The following SPON1 variants were observed in gnomAD, a reference collection of about 807,000 sequenced individuals.
SPON1 encodes the protein spondin-1.
Under a neutral mutation model 111.7 loss-of-function variants are expected in SPON1, and 52 were observed. The ratio of observed to expected loss-of-function variants is 0.47; its 90% CI spans 0.37 to 0.59. The LOEUF (loss-of-function observed/expected upper bound fraction) is 0.59, where lower values mean the gene tolerates loss of function less well. Ranked by LOEUF, SPON1 falls within the 20% of genes least tolerant of loss-of-function variation. The probability of loss-of-function intolerance (pLI) is 0.00; values close to 1 mark genes in which losing one functional copy is unlikely to be tolerated. For missense variants in SPON1, 957 were observed against 1,068.5 expected, an observed-to-expected ratio of 0.90 and a Z score of 1.46; for synonymous variants, 410 against 395.8, an observed-to-expected ratio of 1.04 and a Z score of -0.43.
chr11:14,126,847 G>A (rs1554927047), intron 5 of SPON1, among the ~76,000 whole-genome samples: 1 of 152,112 alleles, frequency 6.6e-6, no homozygotes, highest in Admixed American at 6.5e-5. Context: ...ACTAGAGGAT[G>A]TGGGGCCCAG....
intron 6 of SPON1, among the ~76,000 whole-genome samples, chr11:14,149,683 G>A (rs1033045486): frequency 1.3e-5 from 2 of 152,236 alleles, no homozygotes; most frequent in South Asian, 2.1e-4. Context: ...ATGGTACCTT[G>A]ATATGTTTAA....
At chr11:14,101,187 G>A (rs1189170440) in intron 5 of SPON1, among the ~76,000 whole-genome samples, 1 of 152,040 alleles carries the variant, frequency 6.6e-6, no homozygotes, top group Non-Finnish European at 1.5e-5. Context: ...ATCACCCAAG[G>A]TCAGGAGTTT....
intron 6 of SPON1, among the ~76,000 whole-genome samples, chr11:14,206,966 T>C (rs1408138732): frequency 6.6e-6 from 1 of 152,118 alleles, no homozygotes; most frequent in African/African-American, 2.4e-5. Flanking sequence ...GGAGGCATCA[T>C]GCTACCTGAC....
At chr11:14,225,592 C>T (rs1554938063) in intron 6 of SPON1, among the ~76,000 whole-genome samples, 2 of 152,146 alleles carry the variant, frequency 1.3e-5, no homozygotes, top group African/African-American at 2.4e-5. Context: ...GAAAAATAAT[C>T]GTCGTTTTTA....
intron 6 of SPON1, among the ~76,000 whole-genome samples, chr11:14,236,435 T>C (rs1034395871): frequency 3.3e-5 from 5 of 152,070 alleles, no homozygotes; most frequent in Admixed American, 3.3e-4. Flanking sequence ...AGGAGTTTGG[T>C]TTCAGGCACG....
intron 2 of SPON1, among the ~76,000 whole-genome samples, chr11:13,994,460 C>T (rs1848255249): frequency 6.6e-6 from 1 of 151,888 alleles, no homozygotes; most frequent in Non-Finnish European, 1.5e-5. Flanking sequence ...ACACACAAAA[C>T]CTGCACTCAA....
chr11:14,254,184 G>A (rs1849081823), intron 7 of SPON1, among the ~76,000 whole-genome samples: 1 of 152,198 alleles, frequency 6.6e-6, no homozygotes, highest in African/African-American at 2.4e-5. Flanking sequence ...GGGAGGTTGA[G>A]GTGCAAGGAT....
intron 5 of SPON1, among the ~76,000 whole-genome samples, chr11:14,085,156 C>T (rs1273936067): frequency 2.6e-5 from 4 of 152,102 alleles, no homozygotes; most frequent in Non-Finnish European, 5.9e-5. Context: ...TAGTAAGATC[C>T]CATTTGTCAA....
chr11:14,235,471 G>A (rs1291621585), intron 6 of SPON1, among the ~76,000 whole-genome samples: 1 of 152,090 alleles, frequency 6.6e-6, no homozygotes, highest in African/African-American at 2.4e-5. Flanking sequence ...TTGAGCCCAG[G>A]AGTGTGAGGC....
chr11:14,162,754 G>T (rs1255826342), intron 6 of SPON1, among the ~76,000 whole-genome samples: 1 of 152,178 alleles, frequency 6.6e-6, no homozygotes, highest in East Asian at 1.9e-4. Context: ...GTATAAGGAG[G>T]TTTGAGAACA....
At chr11:14,231,997 CTGTG>C (rs1848809923) in intron 6 of SPON1, among the ~76,000 whole-genome samples, 1 of 149,748 alleles carries the variant, frequency 6.7e-6, no homozygotes, top group South Asian at 2.1e-4. Context: ...GTGTTTGTCT[CTGTG>C]TGTGTGGCCA....
intron 3 of SPON1, among the ~76,000 whole-genome samples, chr11:14,063,450 TCTTC>T (rs1237762641): frequency 1.3e-5 from 2 of 152,162 alleles, no homozygotes; most frequent in African/African-American, 2.4e-5. Flanking sequence ...ACTCTTCCTT[TCTTC>T]CTTCCTTTCT....
chr11:14,137,590 C>A (rs1177865818), intron 6 of SPON1, among the ~76,000 whole-genome samples: 2 of 152,112 alleles, frequency 1.3e-5, no homozygotes, highest in Non-Finnish European at 2.9e-5. Flanking sequence ...GCAGAGAATA[C>A]CAGGACTTAA....
At chr11:14,149,127 A>G (rs1847758618) in intron 6 of SPON1, among the ~76,000 whole-genome samples, 1 of 152,146 alleles carries the variant, frequency 6.6e-6, no homozygotes, top group Non-Finnish European at 1.5e-5. Flanking sequence ...CTTCACAGGT[A>G]TTCCAAAGGA....
intron 6 of SPON1, among the ~76,000 whole-genome samples, chr11:14,188,676 A>G (rs1464356657): frequency 2.6e-5 from 4 of 152,014 alleles, no homozygotes; most frequent in African/African-American, 9.7e-5. Flanking sequence ...ATGTGGAGGG[A>G]AGCTTAGGGG....
intron 2 of SPON1, among the ~76,000 whole-genome samples, chr11:14,019,360 TA>T (rs1848464775): frequency 6.6e-6 from 1 of 150,480 alleles, no homozygotes; most frequent in Admixed American, 6.6e-5. Flanking sequence ...ATATTAATTA[TA>T]TATTATACGT....
intron 6 of SPON1, among the ~76,000 whole-genome samples, chr11:14,233,486 ACT>A (rs1470214385): frequency 2.6e-5 from 4 of 151,984 alleles, no homozygotes; most frequent in African/African-American, 7.3e-5. Context: ...GTCCCATCAC[ACT>A]CTGAACAACA....
chr11:14,163,846 C>G (rs187858937), intron 6 of SPON1, among the ~76,000 whole-genome samples: 13 of 151,946 alleles, frequency 8.6e-5, no homozygotes, highest in Admixed American at 1.3e-4. Flanking sequence ...TTCCCTCCCC[C>G]GCTTTAGCAA....
At chr11:14,153,483 T>C (rs1847810104) in intron 6 of SPON1, among the ~76,000 whole-genome samples, 1 of 152,036 alleles carries the variant, frequency 6.6e-6, no homozygotes, top group African/African-American at 2.4e-5. Context: ...CAACCAAATC[T>C]CTGAGCACTC....
Sources: gnomAD v4.1 joint callset for allele counts (sites outside exome capture counted in the v4.1 genomes callset) on GRCh38, gnomAD v4.1.1 for gene constraint, MANE v1.5 for transcripts, NCBI Gene and HGNC (gene_info 2026-07-23, HGNC 2026-07-21) for gene names.